Variants in KIRREL3 observed in about 807,000 individuals in gnomAD.
KIRREL3 encodes the protein kirre like nephrin family adhesion molecule 3.
Under a neutral mutation model 89.7 loss-of-function variants are expected in KIRREL3, and 36 were observed. The ratio of observed to expected loss-of-function variants is 0.40; its 90% CI spans 0.31 to 0.53. The LOEUF (loss-of-function observed/expected upper bound fraction) is 0.53. Ranked by LOEUF, KIRREL3 falls within the 20% of genes least tolerant of loss-of-function variation. The pLI, the probability that KIRREL3 is intolerant of heterozygous loss-of-function variation, is 0.49. For missense variants in KIRREL3, 864 were observed against 1,056.6 expected (o/e 0.82, Z 2.53); for synonymous variants, 445 against 441.4 (o/e 1.01, Z -0.10).
In KIRREL3 at chr11:126,932,842, C is replaced by T. The variant is rs561632954; in HGVS notation, c.55+67613G>A. On this transcript the variant is annotated intron_variant, in intron 1 of 16. Coordinates refer to ENST00000525144, the MANE Select transcript of KIRREL3 (RefSeq NM_032531.4). ...TCCTATGGAGTTATTAAAACCCACA[C>T]AATATGATCTAATAATTTATTAATA... Among the ~76,000 whole-genome samples, 9 of 152,324 alleles carry T rather than the reference C, an allele frequency of 5.9e-5. No homozygotes were observed. In the South Asian group the frequency reaches 8.3e-4, roughly 14 times the overall value.
In KIRREL3 at chr11:126,640,380, G is replaced by A. The variant is rs556753848; in HGVS notation, c.56-77468C>T. ...TGCGCGCGCACACACACGCACACGC[G>A]CACACACAGAATTAAAAGGCATCCT... On this transcript the variant is annotated intron_variant, in intron 1 of 16. Transcript: ENST00000525144. The surrounding 1 kb of genome is among the most constrained non-coding windows in gnomAD (Gnocchi z 4.9). Among the ~76,000 whole-genome samples, 2 of 152,106 alleles carry A rather than the reference G, an allele frequency of 1.3e-5. No individual in the cohort carries two copies. Among genetic ancestry groups the A allele is most frequent in the South Asian group, 2.1e-4 (1 of 4,804 alleles).
rs541425915 is a variant in KIRREL3 at position 126,634,731 on chromosome 11, A to G, written c.56-71819T>C. ...CAGTCCTCTCTCACCAAGCTCTTGC[A>G]CTCCATTGCCCCCTAGCCTAGAATA... On this transcript the variant is annotated intron_variant, in intron 1 of 16. Coordinates refer to ENST00000525144, the MANE Select transcript of KIRREL3 (RefSeq NM_032531.4). 3.3e-5 allele frequency among the ~76,000 whole-genome samples: 5 copies of G among 152,206 alleles called. No individual in the cohort carries two copies. In the East Asian group the frequency reaches 7.7e-4, roughly 23 times the overall value.
rs1431093056 is a variant in KIRREL3, at chr11:126,612,812, G to A, written c.56-49900C>T. Among the ~76,000 whole-genome samples, 1 of 152,180 alleles carries A rather than the reference G, an allele frequency of 6.6e-6. No homozygotes were observed. The highest frequency in any genetic ancestry group is 1.5e-5 in the Non-Finnish European group (1 of 68,032). On this transcript the variant is annotated intron_variant, in intron 1 of 16. Transcript: ENST00000525144. The surrounding 1 kb of genome is among the most constrained non-coding windows in gnomAD (Gnocchi z 4.5). ...TCCATCCCAGTTGCCACATGCATCA[G>A]TACTTTATTCCTTTGTATGGGTGAG...
Position 126,519,550 on chromosome 11 carries a change from T to A in KIRREL3, c.433+1765A>T, listed in dbSNP as rs1958522021. 6.6e-6 allele frequency among the ~76,000 whole-genome samples: 1 copy of A among 152,264 alleles called. No individual in the cohort carries two copies. On this transcript the variant is annotated intron_variant, in intron 4 of 16. Transcript: ENST00000525144. The surrounding 1 kb of genome is among the most constrained non-coding windows in gnomAD (Gnocchi z 4.3). ...GGGGAAGTCAATACAGCCTTAAGGA[T>A]GAGATGTGGCTCCACCTATTTTTGG...
chr11:126,565,133 A>G lies in KIRREL3; in HGVS notation c.56-2221T>C, dbSNP rs1011028869. 5.3e-5 allele frequency among the ~76,000 whole-genome samples: 8 copies of G among 152,156 alleles called. No individual in the cohort carries two copies. Among genetic ancestry groups the G allele is most frequent in the African/African-American group, 1.4e-4 (6 of 41,434 alleles). ...GAAGATACTGGATGGATTTAGGCCA[A>G]TGTTCCAGCTGGTCTTCTGGACTGT... On this transcript the variant is annotated intron_variant, in intron 1 of 16. Coordinates refer to ENST00000525144, the MANE Select transcript of KIRREL3 (RefSeq NM_032531.4). The surrounding 1 kb of genome is among the most constrained non-coding windows in gnomAD (Gnocchi z 5.4).
intron 4 of KIRREL3, among the ~76,000 whole-genome samples, chr11:126,510,775 G>T (rs142755633): frequency 1.8e-4 from 27 of 152,262 alleles, no homozygotes; most frequent in Non-Finnish European, 3.2e-4. Context: ...GTCCCTGTTA[G>T]ACTTCAGGGA....
intron 11 of KIRREL3, among the ~76,000 whole-genome samples, chr11:126,437,293 C>A (rs906933135): frequency 6.6e-6 from 1 of 152,148 alleles, no homozygotes; most frequent in South Asian, 2.1e-4. Context: ...ACACATCACA[C>A]GTCTATACAC....
Position 126,799,413 on chromosome 11 carries a change from T to TGC in KIRREL3, c.55+201040_55+201041dup, listed in dbSNP as rs1379315309. On this transcript the variant is annotated intron_variant, in intron 1 of 16. Transcript: ENST00000525144. ...ATCTGTGTGTGCATCTATCTGTGTG[T>TGC]GCGTCTCTGTGTGCATGTGTGTATC... Among the ~76,000 whole-genome samples the TGC allele has an allele frequency of 3.0e-5, 4 of 134,676 alleles. 1 individual carries two copies. The highest frequency in any genetic ancestry group is 2.8e-5 in the African/African-American group (1 of 36,138). 88.4% of individuals were successfully genotyped at this position (134,676 alleles called of 152,430 possible). A position where few individuals can be genotyped will look rare whatever the true frequency, so the allele number is the denominator to read the frequency against.
At chr11:126,846,631 A>T (rs956993812) in intron 1 of KIRREL3, among the ~76,000 whole-genome samples, 1 of 150,134 alleles carries the variant, frequency 6.7e-6, no homozygotes, top group African/African-American at 2.5e-5. Flanking sequence ...AAGAGTTAAC[A>T]TTGTGACACG....
At chr11:126,638,934 GCT>G in intron 1 of KIRREL3, among the ~76,000 whole-genome samples, 1 of 152,226 alleles carries the variant, frequency 6.6e-6, no homozygotes, top group South Asian at 2.1e-4. Context: ...GATGATGTAA[GCT>G]CTGTTTTGCT....
chr11:126,986,664 A>C (rs1331202496), intron 1 of KIRREL3, among the ~76,000 whole-genome samples: 2 of 152,222 alleles, frequency 1.3e-5, no homozygotes, highest in Non-Finnish European at 2.9e-5. Context: ...AGAGGAAGGC[A>C]ATGATGTCAG....
intron 1 of KIRREL3, among the ~76,000 whole-genome samples, chr11:126,889,907 C>T (rs12577706): frequency 0.15 from 23,160 of 152,202 alleles, 2,259 homozygotes; most frequent in East Asian, 0.42. Flanking sequence ...TAACATTCTT[C>T]GCCTTTCTTC....
rs1453618095 is a variant in KIRREL3, at chr11:126,491,972, G to T, written c.434-18506C>A. On this transcript the variant is annotated intron_variant, in intron 4 of 16. Coordinates refer to ENST00000525144, the MANE Select transcript of KIRREL3 (RefSeq NM_032531.4). The surrounding 1 kb of genome is among the most constrained non-coding windows in gnomAD (Gnocchi z 5.5). The stretch of plus-strand genomic sequence containing the variant: ...CCGCATCAGCTTCCCAAAGTGCTAG[G>T]ATTACAGGTGTGAGCCACCACGCCT... 6.6e-6 allele frequency among the ~76,000 whole-genome samples: 1 copy of T among 152,158 alleles called. No homozygotes were observed. The highest frequency in any genetic ancestry group is 6.5e-5 in the Admixed American group (1 of 15,272).
At chr11:126,580,102 C>G (rs1941467138) in intron 1 of KIRREL3, among the ~76,000 whole-genome samples, 1 of 152,210 alleles carries the variant, frequency 6.6e-6, no homozygotes, top group Non-Finnish European at 1.5e-5. Context: ...ACCTCTGCCT[C>G]CCAAAGTGCT....
rs1440899823 is a variant in KIRREL3 at position 126,807,008 on chromosome 11, G to T, written c.55+193447C>A. Among the ~76,000 whole-genome samples the T allele has an allele frequency of 6.6e-6, 1 of 152,198 alleles. No homozygotes were observed. Among genetic ancestry groups the T allele is most frequent in the African/African-American group, 2.4e-5 (1 of 41,448 alleles). Reference sequence around the variant, plus strand: ...TCATCCATGTCCCTGCAAAGGACATGAATTCACTCTTTTTTATGACTGCAT... The same window carrying T: ...TCATCCATGTCCCTGCAAAGGACATTAATTCACTCTTTTTTATGACTGCAT... On this transcript the variant is annotated intron_variant, in intron 1 of 16. Coordinates refer to ENST00000525144, the MANE Select transcript of KIRREL3 (RefSeq NM_032531.4). This position sits in a 1 kb window ranked among gnomAD's most constrained non-coding sequence, Gnocchi z 4.3.
At chr11:126,542,867 TA>T (rs909759783) in intron 2 of KIRREL3, among the ~76,000 whole-genome samples, 11 of 152,152 alleles carry the variant, frequency 7.2e-5, no homozygotes, top group African/African-American at 2.2e-4. Context: ...GTGTCCTAAT[TA>T]AAAAAGTGAT....
intron 1 of KIRREL3, among the ~76,000 whole-genome samples, chr11:126,907,511 ACT>A (rs1279144498): frequency 6.6e-6 from 1 of 152,148 alleles, no homozygotes. Flanking sequence ...AGGCAAAGAG[ACT>A]TTTTGCTGGA....
At chr11:126,447,476 G>A (rs1955863987) in intron 8 of KIRREL3, among the ~76,000 whole-genome samples, 1 of 152,198 alleles carries the variant, frequency 6.6e-6, no homozygotes, top group African/African-American at 2.4e-5. Flanking sequence ...CTCCCCCAGG[G>A]TTTCCCACCC....
chr11:126,798,443 A>T (rs988979480), intron 1 of KIRREL3, among the ~76,000 whole-genome samples: 1 of 152,216 alleles, frequency 6.6e-6, no homozygotes, highest in East Asian at 1.9e-4. Flanking sequence ...GTAACCAAAG[A>T]ATTAGGTAAA....
Sources: allele counts gnomAD v4.1 joint callset (sites outside exome capture counted in the v4.1 genomes callset), GRCh38; gene constraint gnomAD v4.1.1; non-coding constraint Gnocchi (gnomAD v3.1); transcripts MANE v1.5; gene names NCBI Gene and HGNC (gene_info 2026-07-23, HGNC 2026-07-21).